The following ENAH variants were observed in gnomAD, a reference collection of about 807,000 sequenced individuals.
ENAH encodes ENAH actin regulator, also known as protein enabled homolog.
ENAH carries 23 observed loss-of-function variants against 78.7 expected under a neutral mutation model. The ratio of observed to expected loss-of-function variants is 0.29; its 90% CI spans 0.21 to 0.41. ENAH has a LOEUF of 0.41. Among genes scored for constraint, ENAH ranks in the 10% least tolerant of loss-of-function variants. The pLI, the probability that ENAH is intolerant of heterozygous loss-of-function variation, is 1.00. For missense variants in ENAH, 544 were observed against 691.0 expected (o/e 0.79, Z 2.39); for synonymous variants, 226 against 241.0 (o/e 0.94, Z 0.58).
chr1:225,653,207 G>A (rs991962003), upstream of ENAH: 4 of 150,846 alleles, frequency 2.7e-5, no homozygotes, highest in Non-Finnish European at 4.5e-5. The surrounding 1 kb of genome is among the most constrained non-coding windows in gnomAD (Gnocchi z 4.3). Flanking sequence ...TCCTTCCCCC[G>A]GGGGCGAGGG....
At chr1:225,581,840 C>T (rs1406132004) in intron 1 of ENAH, among the ~76,000 whole-genome samples, 4 of 148,532 alleles carry the variant, frequency 2.7e-5, no homozygotes, top group African/African-American at 1.0e-4. Flanking sequence ...AGGCACGCAC[C>T]ACCACACCCA....
At chr1:225,651,731 G>A (rs1157367466) in intron 1 of ENAH, among the ~76,000 whole-genome samples, 1 of 152,090 alleles carries the variant, frequency 6.6e-6, no homozygotes, top group Non-Finnish European at 1.5e-5. Context: ...TTCACACGAA[G>A]TCTTGCACCA....
intron 1 of ENAH, among the ~76,000 whole-genome samples, chr1:225,586,119 G>A (rs2096844924): frequency 6.6e-6 from 1 of 151,876 alleles, no homozygotes; most frequent in African/African-American, 2.4e-5. Flanking sequence ...GGGAAGATGA[G>A]GCTGGAGGAT....
At chr1:225,511,731 G>C (rs893812636) in intron 10 of ENAH, 80 bp downstream of exon 10, 6 of 1,020,054 alleles carry the variant, frequency 5.9e-6, no homozygotes, top group Non-Finnish European at 8.7e-6. Flanking sequence ...CCAAATATGG[G>C]GAAAGGGGGA....
chr1:225,628,326 A>C (rs1658324387), intron 1 of ENAH, among the ~76,000 whole-genome samples: 1 of 152,220 alleles, frequency 6.6e-6, no homozygotes, highest in African/African-American at 2.4e-5. Flanking sequence ...TCAGGGATCT[A>C]ATACTATTTC....
At chr1:225,585,804 T>G (rs915194311) in intron 1 of ENAH, among the ~76,000 whole-genome samples, 10 of 150,712 alleles carry the variant, frequency 6.6e-5, no homozygotes, top group African/African-American at 2.4e-4. Context: ...TAATAATAAA[T>G]AAATAAGAAA....
intron 1 of ENAH, among the ~76,000 whole-genome samples, chr1:225,632,407 A>G (rs1490284917): frequency 6.6e-6 from 1 of 151,844 alleles, no homozygotes; most frequent in East Asian, 1.9e-4. Context: ...CTGAGGCAGG[A>G]GAATCTCTTG....
chr1:225,599,451 C>A (rs113794615), intron 1 of ENAH, among the ~76,000 whole-genome samples: 1 of 152,046 alleles, frequency 6.6e-6, no homozygotes, highest in African/African-American at 2.4e-5. Context: ...ATTCACACTG[C>A]GGAGTAAAGT....
chr1:225,586,051 T>TA (rs1176141051), intron 1 of ENAH, among the ~76,000 whole-genome samples: 7 of 151,468 alleles, frequency 4.6e-5, no homozygotes, highest in East Asian at 2.0e-4. Flanking sequence ...CTTAACTCTA[T>TA]AAAAAATTTT....
At chr1:225,630,381 G>A (rs1040659879) in intron 1 of ENAH, among the ~76,000 whole-genome samples, 1 of 152,142 alleles carries the variant, frequency 6.6e-6, no homozygotes, top group African/African-American at 2.4e-5. Context: ...CTACTTTTGT[G>A]TTCCTTTTTG....
At chr1:225,556,572 A>G (rs756514727) in intron 2 of ENAH, among the ~76,000 whole-genome samples, 1 of 151,894 alleles carries the variant, frequency 6.6e-6, no homozygotes, top group Non-Finnish European at 1.5e-5. Flanking sequence ...CCCTTTATAT[A>G]TTCTAGATAT....
chr1:225,526,182 C>T (rs1346023910), intron 4 of ENAH, among the ~76,000 whole-genome samples: 1 of 152,132 alleles, frequency 6.6e-6, no homozygotes, highest in Non-Finnish European at 1.5e-5. Flanking sequence ...CCCACTCCCC[C>T]AGAACTTCTA....
chr1:225,615,736 C>A (rs1430105237), intron 1 of ENAH, among the ~76,000 whole-genome samples: 1 of 150,718 alleles, frequency 6.6e-6, no homozygotes, highest in Non-Finnish European at 1.5e-5. Flanking sequence ...CCGACCGCCA[C>A]CCCGTCTGGG....
At chr1:225,552,973 C>A (rs2096648573) in intron 3 of ENAH, among the ~76,000 whole-genome samples, 1 of 152,162 alleles carries the variant, frequency 6.6e-6, no homozygotes, top group African/African-American at 2.4e-5. Context: ...GTGGCTCATG[C>A]CTGTAATCCC....
intron 1 of ENAH, among the ~76,000 whole-genome samples, chr1:225,615,535 G>A (rs911129207): frequency 1.3e-5 from 2 of 150,132 alleles, no homozygotes; most frequent in Admixed American, 6.6e-5. Context: ...CCCTCTTCCC[G>A]GCCGCCCAGT....
At chr1:225,577,127 T>C (rs1355189797) in intron 1 of ENAH, among the ~76,000 whole-genome samples, 1 of 152,130 alleles carries the variant, frequency 6.6e-6, no homozygotes, top group Non-Finnish European at 1.5e-5. Context: ...CAAAAAACTT[T>C]TTAAAAAACT....
chr1:225,644,106 A>G (rs188989263), intron 1 of ENAH, among the ~76,000 whole-genome samples: 5 of 151,682 alleles, frequency 3.3e-5, no homozygotes. Context: ...CTGCAAATGC[A>G]CTACAAAAAG....
intron 1 of ENAH, among the ~76,000 whole-genome samples, chr1:225,619,627 T>C (rs943429596): frequency 1.2e-4 from 18 of 152,110 alleles, no homozygotes; most frequent in Non-Finnish European, 2.2e-4. Flanking sequence ...AGGATGACTA[T>C]AGAGAGAAAA....
chr1:225,646,155 T>C (rs1295269476), intron 1 of ENAH, among the ~76,000 whole-genome samples: 1 of 140,266 alleles, frequency 7.1e-6, no homozygotes, highest in Non-Finnish European at 1.5e-5. Flanking sequence ...CTTCCAAAGT[T>C]GTATGCACTG....
Sources: allele counts gnomAD v4.1 joint callset (sites outside exome capture counted in the v4.1 genomes callset), GRCh38; gene constraint gnomAD v4.1.1; non-coding constraint Gnocchi (gnomAD v3.1); transcripts MANE v1.5; gene names NCBI Gene and HGNC (gene_info 2026-07-23, HGNC 2026-07-21).